DENND1A: variants seen among roughly 807,000 people sequenced by gnomAD.
The protein encoded by DENND1A is DENN domain-containing protein 1A.
Under a neutral mutation model 113.7 loss-of-function variants are expected in DENND1A, and 51 were observed. The observed-to-expected ratio is 0.45, with a 90% CI of 0.36 to 0.57. The LOEUF (loss-of-function observed/expected upper bound fraction) is 0.57. Ranked by LOEUF, DENND1A falls within the 20% of genes least tolerant of loss-of-function variation. DENND1A has a pLI of 0.00. For missense variants in DENND1A, 1,258 were observed against 1,395.9 expected (o/e 0.90, Z 1.57); for synonymous variants, 565 against 570.8 (o/e 0.99, Z 0.14).
intron 9 of DENND1A, among the ~76,000 whole-genome samples, chr9:123,632,685 C>T (rs2061529406): frequency 6.6e-6 from 1 of 152,160 alleles, no homozygotes; most frequent in Non-Finnish European, 1.5e-5. Context: ...TTACAGCAGC[C>T]ATCTGTAGCC....
At chr9:123,486,315 G>A (rs1174465854) in intron 13 of DENND1A, among the ~76,000 whole-genome samples, 1 of 152,164 alleles carries the variant, frequency 6.6e-6, no homozygotes, top group Non-Finnish European at 1.5e-5. Flanking sequence ...TACAGGAACA[G>A]AGACTCGCCC....
chr9:123,483,844 C>T (rs913163987), intron 13 of DENND1A, among the ~76,000 whole-genome samples: 8 of 152,204 alleles, frequency 5.3e-5, no homozygotes, highest in African/African-American at 1.9e-4. Context: ...AAAGTACCTG[C>T]CCCAAGGCCA....
At chr9:123,595,098 A>G (rs989520582) in intron 11 of DENND1A, among the ~76,000 whole-genome samples, 6 of 152,288 alleles carry the variant, frequency 3.9e-5, no homozygotes, top group Middle Eastern at 3.4e-3. Context: ...CTGCTCCACA[A>G]AATTAAAAAT....
chr9:123,523,297 T>C (rs1335159962), intron 13 of DENND1A, among the ~76,000 whole-genome samples: 2 of 152,174 alleles, frequency 1.3e-5, no homozygotes, highest in African/African-American at 4.8e-5. Context: ...TGTGCTCTGC[T>C]CAGCGCTCCA....
intron 21 of DENND1A, among the ~76,000 whole-genome samples, chr9:123,396,143 G>A (rs1359508032): frequency 6.6e-6 from 1 of 152,206 alleles, no homozygotes; most frequent in Non-Finnish European, 1.5e-5. Context: ...GATAAGGCCA[G>A]GAGGGAGGCC....
intron 11 of DENND1A, among the ~76,000 whole-genome samples, chr9:123,585,156 CCTT>C (rs1252016644): frequency 2.6e-5 from 4 of 152,204 alleles, no homozygotes; most frequent in African/African-American, 4.8e-5. Flanking sequence ...GCCTCCAACT[CCTT>C]CTGCTATCCA....
At chr9:123,770,020 C>T (rs1410090857) in intron 3 of DENND1A, among the ~76,000 whole-genome samples, 1 of 152,146 alleles carries the variant, frequency 6.6e-6, no homozygotes, top group Non-Finnish European at 1.5e-5. Context: ...ATCAATAGGC[C>T]AAATCACAGC....
rs557814910 is a variant in DENND1A, at chr9:123,582,590, T to C, written c.867+579A>G. Among the ~76,000 whole-genome samples the C allele has an allele frequency of 2.0e-5, 3 of 151,886 alleles. No homozygotes were observed. In the East Asian group the frequency reaches 5.8e-4, roughly 29 times the overall value. On this transcript the variant is annotated intron_variant, in intron 12 of 23. Coordinates refer to ENST00000394215, the MANE Select transcript of DENND1A (RefSeq NM_001352964.2). ...AATTTTTTGTATTTTTAGTAGAGAC[T>C]GTGTTTCACCATGTTAGCCAGGATG...
At chr9:123,462,669 C>T (rs143519764) in intron 13 of DENND1A, among the ~76,000 whole-genome samples, 420 of 152,212 alleles carry the variant, frequency 2.8e-3, no homozygotes, top group African/African-American at 9.5e-3. Context: ...TGTTGGCGCA[C>T]GCCTGTAACC....
rs766040661 is a variant in DENND1A, at chr9:123,381,558, T to C, written c.3087A>G (p.Gln1029=). 5 of 1,613,492 alleles carry C rather than the reference T, an allele frequency of 3.1e-6. No individual in the cohort carries two copies. The African/African-American group carries it at 4.0e-5, about 13-fold the overall frequency. ...LEPTLQPSAP[Q]QARDPFEDLL... ...AATCCTCAAAGGGGTCTCTGGCCTGTTGAGGAGCAGAGGGCTGCAGTGTTG... is the reference window on the plus strand; with the variant it reads ...AATCCTCAAAGGGGTCTCTGGCCTGCTGAGGAGCAGAGGGCTGCAGTGTTG... Residue 1029 remains glutamine (Q), a synonymous_variant, in exon 24 of 24, where the codon CAA becomes CAG. Coordinates refer to ENST00000394215, the MANE Select transcript of DENND1A (RefSeq NM_001352964.2). This position sits in a 1 kb window ranked among gnomAD's most constrained non-coding sequence, Gnocchi z 4.7.
At chr9:123,555,271 C>T (rs139963936) in intron 13 of DENND1A, among the ~76,000 whole-genome samples, 3 of 152,338 alleles carry the variant, frequency 2.0e-5, no homozygotes, top group East Asian at 3.9e-4. Context: ...TAGTCCATCA[C>T]TGTACTACTG....
intron 13 of DENND1A, among the ~76,000 whole-genome samples, chr9:123,537,110 T>G (rs1564672669): frequency 6.6e-6 from 1 of 151,960 alleles, no homozygotes; most frequent in Non-Finnish European, 1.5e-5. Flanking sequence ...CAAAATGAGC[T>G]AAAGACACTA....
At chr9:123,765,572 A>C (rs974564568) in intron 4 of DENND1A, among the ~76,000 whole-genome samples, 1 of 152,156 alleles carries the variant, frequency 6.6e-6, no homozygotes, top group African/African-American at 2.4e-5. Context: ...AATTTACAGG[A>C]AAATGGAATG....
Position 123,742,668 on chromosome 9 carries a change from G to A in DENND1A, c.302+15035C>T, listed in dbSNP as rs7024166. 3.6e-3 allele frequency among the ~76,000 whole-genome samples: 554 copies of A among 152,204 alleles called. 1 individual carries two copies. In the Middle Eastern group the frequency reaches 0.054, roughly 15 times the overall value. Reference sequence around the variant, plus strand: ...GAAAAGTGCAGACAGCTCCCCAGGGGCTCAGTTTGTGAAAGCATAAAACAG... The same window carrying A: ...GAAAAGTGCAGACAGCTCCCCAGGGACTCAGTTTGTGAAAGCATAAAACAG... On this transcript the variant is annotated intron_variant, in intron 5 of 23. Coordinates refer to ENST00000394215, the MANE Select transcript of DENND1A (RefSeq NM_001352964.2).
At position 123,574,173 on chromosome 9, in the gene DENND1A, C is replaced by CTTT. The variant is rs542615815; in HGVS notation, c.867+8993_867+8995dup. Among the ~76,000 whole-genome samples, 19 of 110,112 alleles carry CTTT rather than the reference C, an allele frequency of 1.7e-4. No homozygotes were observed. In the East Asian group the frequency reaches 2.4e-3, roughly 14 times the overall value. 72.2% of individuals were successfully genotyped at this position (110,112 alleles called of 152,430 possible). ...TGCATCTATATTGGTCTGTAGTTGC[C>CTTT]TTTTTTTTTTTTTTTTTTGTTTGTA... On this transcript the variant is annotated intron_variant, in intron 12 of 23. Coordinates refer to ENST00000394215, the MANE Select transcript of DENND1A (RefSeq NM_001352964.2).
chr9:123,627,609 A>G (rs1169059978), intron 10 of DENND1A, among the ~76,000 whole-genome samples: 1 of 152,082 alleles, frequency 6.6e-6, no homozygotes, highest in Non-Finnish European at 1.5e-5. Flanking sequence ...GTGTGATGGT[A>G]CGCGCCTGTA....
At chr9:123,711,374 G>A (rs936342430) in intron 5 of DENND1A, among the ~76,000 whole-genome samples, 1 of 151,400 alleles carries the variant, frequency 6.6e-6, no homozygotes, top group African/African-American at 2.4e-5. Flanking sequence ...GCTGAGGCAG[G>A]AGAATAGCTT....
chr9:123,728,479 C>CAAAA (rs60761810), intron 5 of DENND1A, among the ~76,000 whole-genome samples: 910 of 25,190 alleles, frequency 0.036, 181 homozygotes, highest in Non-Finnish European at 0.039. Flanking sequence ...CTCTGTCTCC[C>CAAAA]AAAAAAAAAA....
intron 19 of DENND1A, among the ~76,000 whole-genome samples, chr9:123,421,128 G>A (rs562077481): frequency 5.4e-5 from 8 of 148,586 alleles, no homozygotes; most frequent in African/African-American, 1.2e-4. Flanking sequence ...AGGGGGACAC[G>A]AGGTGAGGTT....
Sources: gnomAD v4.1 joint callset for allele counts (sites outside exome capture counted in the v4.1 genomes callset) on GRCh38, gnomAD v4.1.1 for gene constraint, Gnocchi (gnomAD v3.1) non-coding constraint, MANE v1.5 for transcripts, NCBI Gene and HGNC (gene_info 2026-07-23, HGNC 2026-07-21) for gene names.